SYNE2: variants seen among roughly 807,000 people sequenced by gnomAD.
The protein encoded by SYNE2 is spectrin repeat containing nuclear envelope protein 2, also known as nesprin-2.
SYNE2 carries 431 observed loss-of-function variants against 856.3 expected under a neutral mutation model. The observed-to-expected ratio is 0.50, with a 90% confidence interval of 0.47 to 0.55. The LOEUF (loss-of-function observed/expected upper bound fraction) is 0.55. Ranked by LOEUF, SYNE2 falls within the 20% of genes least tolerant of loss-of-function variation. SYNE2 has a pLI of 0.00. For synonymous variants in SYNE2, 2,923 were observed against 2,872.3 expected (o/e 1.02, Z -0.56); for missense variants, 8,129 against 8,023.2 (o/e 1.01, Z -0.50).
At position 63,932,786 on chromosome 14, in the gene SYNE2, T is replaced by C. The variant is rs1402693942; in HGVS notation, c.80-7828T>C. ...ATGATGATAGAATGCCCACATGTGC[T>C]GGGTGCCGGCGTTTCTATGAACGCA... On this transcript the variant is annotated intron_variant, in intron 2 of 115. Transcript: ENST00000555002. Among the ~76,000 whole-genome samples the C allele has an allele frequency of 3.3e-5, 5 of 152,292 alleles. No homozygotes were observed. The East Asian group carries it at 9.6e-4, about 29-fold the overall frequency.
chr14:63,762,127 TC>T, intron 1 of SYNE2: 1 of 420,096 alleles, frequency 2.4e-6, no homozygotes, highest in Non-Finnish European at 4.9e-6. Flanking sequence ...GATAGAAGAT[TC>T]CTATAGAAAG....
At chr14:64,048,468 G>A (rs906090704) in intron 46 of SYNE2, 22 of 208,474 alleles carry the variant, frequency 1.1e-4, no homozygotes, top group South Asian at 2.1e-4. Context: ...TTCTGATTCT[G>A]ACAAATGTAT....
Position 64,145,598 on chromosome 14 carries a change from C to T in SYNE2, c.15484-470C>T, listed in dbSNP as rs371241867. On this transcript the variant is annotated intron_variant, in intron 83 of 115. Coordinates refer to ENST00000555002, the MANE Select transcript of SYNE2 (RefSeq NM_182914.3). ...AAATGTGTGTATATTATGATTATGA[C>T]CTAATAAAAAATTTATTATGAATGA... 6.6e-5 allele frequency among the ~76,000 whole-genome samples: 10 copies of T among 151,138 alleles called. No homozygotes were observed. The East Asian group carries it at 1.2e-3, about 18-fold the overall frequency.
At chr14:64,073,759 G>A (rs1432113495) in intron 52 of SYNE2, among the ~76,000 whole-genome samples, 1 of 152,200 alleles carries the variant, frequency 6.6e-6, no homozygotes, top group Non-Finnish European at 1.5e-5. Context: ...CGAAAGATTT[G>A]GAGAGGTTTT....
chr14:64,093,503 G>T, intron 61 of SYNE2, 23 bp downstream of exon 61: 1 of 1,614,012 alleles, frequency 6.2e-7, no homozygotes, highest in Non-Finnish European at 8.5e-7. Flanking sequence ...CATTCATAAA[G>T]GTATGTTTCA....
At chr14:63,774,063 G>A (rs1187133494) in intron 1 of SYNE2, among the ~76,000 whole-genome samples, 4 of 151,982 alleles carry the variant, frequency 2.6e-5, no homozygotes, top group Non-Finnish European at 5.9e-5. Flanking sequence ...GGCTGGGTGC[G>A]GTGGCTCATG....
Position 63,997,138 on chromosome 14 carries a change from G to A in SYNE2, c.3132G>A (p.Ala1044=), listed in dbSNP as rs545403459. 60 of 1,613,992 alleles carry A rather than the reference G, an allele frequency of 3.7e-5. No individual in the cohort carries two copies. Among genetic ancestry groups the A allele is most frequent in the Non-Finnish European group, 4.7e-5 (55 of 1,179,946 alleles). Residue 1044 remains alanine (A), a synonymous_variant, in exon 24 of 116, where the codon GCG becomes GCA. Transcript: ENST00000555002. ...SEIHMTLQPT[A]GGTSKNEGTI... The stretch of plus-strand genomic sequence containing the variant: ...TTCATATGACACTGCAGCCCACAGC[G>A]GGAGGCACGTCGAAAAACGAGTTAG...
At chr14:63,895,748 C>T (rs1031590391) in intron 1 of SYNE2, among the ~76,000 whole-genome samples, 8 of 117,476 alleles carry the variant, frequency 6.8e-5, no homozygotes, top group Non-Finnish European at 9.8e-5. Context: ...GCCTGGGTGA[C>T]AGAGTGAGAC....
chr14:63,892,446 A>C (rs931610408), intron 1 of SYNE2, among the ~76,000 whole-genome samples: 1 of 151,662 alleles, frequency 6.6e-6, no homozygotes, highest in Admixed American at 6.6e-5. Flanking sequence ...GGAAAAAAAA[A>C]CATTACAAGC....
intron 96 of SYNE2, among the ~76,000 whole-genome samples, chr14:64,179,578 A>G (rs961084544): frequency 1.2e-4 from 18 of 152,148 alleles, no homozygotes; most frequent in African/African-American, 4.3e-4. Context: ...GTCACTTGGT[A>G]TTGTCAGATT....
At chr14:63,998,486 A>G (rs952906028) in intron 26 of SYNE2, among the ~76,000 whole-genome samples, 158 bp downstream of exon 26, 1 of 152,182 alleles carries the variant, frequency 6.6e-6, no homozygotes, top group African/African-American at 2.4e-5. Context: ...CGCAGTTGAC[A>G]GTAATTTTAA....
chr14:64,156,480 C>T (rs1022676854), intron 85 of SYNE2, among the ~76,000 whole-genome samples: 15 of 147,738 alleles, frequency 1.0e-4, no homozygotes, highest in Non-Finnish European at 2.1e-4. Flanking sequence ...TTTGTGGAGA[C>T]AGAGTTTTGC....
intron 2 of SYNE2, among the ~76,000 whole-genome samples, chr14:63,924,834 GTTTTTTTTTTTTTTTT>G (rs1160819887): frequency 1.1e-4 from 6 of 56,456 alleles, no homozygotes; most frequent in African/African-American, 3.5e-4. Context: ...CAGCCTTGGT[GTTTTTTTTTTTTTTTT>G]TTTTTTTTTT....
chr14:63,960,862 TAGAG>T lies in SYNE2; in HGVS notation c.788-659_788-656del, dbSNP rs374150435. ...GAGTTTGAGACCAGACTGGACAACA[TAGAG>T]AGACCCTGTCTAAAAAAAATAAAAA... On this transcript the variant is annotated intron_variant, in intron 8 of 115. Transcript: ENST00000555002. 5.7e-4 allele frequency: 388 copies of T among 684,812 alleles called. 1 individual carries two copies. Among genetic ancestry groups the T allele is most frequent in the African/African-American group, 5.2e-3 (295 of 56,984 alleles). 42.4% of individuals were successfully genotyped at this position (684,812 alleles called of 1,614,324 possible).
At chr14:64,206,092 T>C (rs1434882161) in intron 100 of SYNE2, among the ~76,000 whole-genome samples, 1 of 152,174 alleles carries the variant, frequency 6.6e-6, no homozygotes, top group Non-Finnish European at 1.5e-5. Context: ...TGTTTTTGGT[T>C]CCTTTTTATT....
intron 92 of SYNE2, among the ~76,000 whole-genome samples, chr14:64,168,590 C>G (rs1417474126): frequency 1.3e-5 from 2 of 152,106 alleles, no homozygotes; most frequent in Non-Finnish European, 2.9e-5. Flanking sequence ...AATCCTAAGG[C>G]TGAGAAATAA....
At chr14:64,002,255 G>A (rs2096761150) in intron 29 of SYNE2, among the ~76,000 whole-genome samples, 174 bp downstream of exon 29, 1 of 151,162 alleles carries the variant, frequency 6.6e-6, no homozygotes, top group Non-Finnish European at 1.5e-5. Flanking sequence ...TTAATTCCTT[G>A]CAAATTTGGA....
chr14:64,081,667 C>CT, intron 57 of SYNE2, 87 bp downstream of exon 57: 1 of 1,477,048 alleles, frequency 6.8e-7, no homozygotes. Context: ...TTTTTTCCTC[C>CT]TTTCCTGAAA....
chr14:64,193,001 T>TAATCAGCCTTACATAG (rs767055747), intron 99 of SYNE2, among the ~76,000 whole-genome samples: 3 of 152,352 alleles, frequency 2.0e-5, no homozygotes, highest in African/African-American at 7.2e-5. Context: ...GGACCTGTCA[T>TAATCAGCCTTACATAG]AATCAGCCTT....
Sources: gnomAD v4.1 joint callset for allele counts (sites outside exome capture counted in the v4.1 genomes callset) on GRCh38, gnomAD v4.1.1 for gene constraint, MANE v1.5 for transcripts, NCBI Gene and HGNC (gene_info 2026-07-23, HGNC 2026-07-21) for gene names.